The following FRAS1 variants were observed in gnomAD, a reference collection of about 807,000 sequenced individuals.
FRAS1 encodes extracellular matrix organizing protein FRAS1.
In FRAS1, 290 loss-of-function variants were observed where a neutral mutation model predicts 435.2. The observed-to-expected ratio is 0.67, with a 90% CI of 0.61 to 0.73. FRAS1 has a LOEUF of 0.73. Ranked by LOEUF, FRAS1 falls within the 30% of genes least tolerant of loss-of-function variation. The probability of loss-of-function intolerance (pLI) is 0.00; values close to 1 mark genes in which losing one functional copy is unlikely to be tolerated. For synonymous variants in FRAS1, 1,800 were observed against 1,851.0 expected, an observed-to-expected ratio of 0.97 and a Z score of 0.71; for missense variants, 4,860 against 5,001.5, an observed-to-expected ratio of 0.97 and a Z score of 0.85.
intron 2 of FRAS1, among the ~76,000 whole-genome samples, chr4:78,076,599 T>G (rs1740653468): frequency 6.6e-6 from 1 of 152,200 alleles, no homozygotes; most frequent in Non-Finnish European, 1.5e-5. Flanking sequence ...TAGGATTTTA[T>G]CAGCTGTATC....
chr4:78,282,446 C>T (rs1727373373), intron 11 of FRAS1, among the ~76,000 whole-genome samples: 1 of 152,182 alleles, frequency 6.6e-6, no homozygotes, highest in South Asian at 2.1e-4. Context: ...GTATTTAACT[C>T]ACCTGCTAAT....
At chr4:78,085,381 G>A (rs1268845287) in intron 2 of FRAS1, among the ~76,000 whole-genome samples, 1 of 151,946 alleles carries the variant, frequency 6.6e-6, no homozygotes, top group Non-Finnish European at 1.5e-5. Context: ...AGTGAAACAT[G>A]GTCTTTTTGT....
chr4:78,525,422 G>A (rs1005364714), intron 69 of FRAS1, among the ~76,000 whole-genome samples: 11 of 152,216 alleles, frequency 7.2e-5, no homozygotes, highest in Admixed American at 6.5e-4. Context: ...AAGTCCTCAT[G>A]CTTTGTTAAA....
At chr4:78,133,935 G>A (rs1457924585) in intron 2 of FRAS1, among the ~76,000 whole-genome samples, 1 of 151,792 alleles carries the variant, frequency 6.6e-6, no homozygotes, top group African/African-American at 2.4e-5. Flanking sequence ...GAAAGGTGAG[G>A]GAGCTGAGAT....
intron 1 of FRAS1, among the ~76,000 whole-genome samples, chr4:78,065,083 T>TATATATACAC (rs1383890164): frequency 8.5e-5 from 12 of 140,596 alleles, no homozygotes; most frequent in African/African-American, 2.9e-4. Flanking sequence ...TATATATATA[T>TATATATACAC]ACATACACAC....
chr4:78,420,926 A>G (rs1223701091), intron 33 of FRAS1, among the ~76,000 whole-genome samples: 1 of 137,920 alleles, frequency 7.3e-6, no homozygotes, highest in African/African-American at 2.8e-5. Context: ...ATATATTTAT[A>G]TAAAGGGGAG....
chr4:78,228,434 G>A (rs755274737), intron 2 of FRAS1, among the ~76,000 whole-genome samples: 1 of 152,182 alleles, frequency 6.6e-6, no homozygotes, highest in Non-Finnish European at 1.5e-5. Context: ...GTTAGAACAA[G>A]TGGAAAACTG....
intron 2 of FRAS1, among the ~76,000 whole-genome samples, chr4:78,172,521 T>A (rs1328951627): frequency 2.6e-5 from 4 of 152,144 alleles, no homozygotes; most frequent in African/African-American, 9.6e-5. Flanking sequence ...GGAAATTTGT[T>A]TTTAGTTAGT....
chr4:78,078,547 T>C (rs1740757305), intron 2 of FRAS1, among the ~76,000 whole-genome samples: 1 of 152,096 alleles, frequency 6.6e-6, no homozygotes, highest in Non-Finnish European at 1.5e-5. Context: ...TAAAAATATC[T>C]AATAGTGTAA....
chr4:78,417,862 A>C (rs937627908), intron 32 of FRAS1, among the ~76,000 whole-genome samples: 2 of 152,178 alleles, frequency 1.3e-5, no homozygotes, highest in African/African-American at 4.8e-5. Context: ...ACTCTAACCC[A>C]CCTTCAGGGG....
intron 25 of FRAS1, 83 bp downstream of exon 25, chr4:78,374,334 A>T (rs1731670908): frequency 7.4e-7 from 1 of 1,348,194 alleles, no homozygotes; most frequent in African/African-American, 1.4e-5. Flanking sequence ...GTATCCAAGA[A>T]TACTTAAATT....
At chr4:78,497,586 G>T (rs1720544372) in intron 60 of FRAS1, among the ~76,000 whole-genome samples, 1 of 152,136 alleles carries the variant, frequency 6.6e-6, no homozygotes, top group Admixed American at 6.5e-5. Flanking sequence ...ACTATGCTAA[G>T]CATATTATAT....
chr4:78,444,857 C>T (rs1280055300), intron 41 of FRAS1, among the ~76,000 whole-genome samples: 1 of 152,134 alleles, frequency 6.6e-6, no homozygotes, highest in African/African-American at 2.4e-5. Flanking sequence ...TGAATCCCAC[C>T]TGAGCATCAT....
At chr4:78,292,800 G>A (rs1727958946) in intron 14 of FRAS1, among the ~76,000 whole-genome samples, 1 of 152,190 alleles carries the variant, frequency 6.6e-6, no homozygotes, top group African/African-American at 2.4e-5. Flanking sequence ...GTTAGTCTCA[G>A]TTTCATTGCC....
chr4:78,159,857 G>A (rs1372545060), intron 2 of FRAS1, among the ~76,000 whole-genome samples: 1 of 152,084 alleles, frequency 6.6e-6, no homozygotes, highest in African/African-American at 2.4e-5. Context: ...CTCCAGCATG[G>A]GTGACAGAGT....
intron 40 of FRAS1, among the ~76,000 whole-genome samples, chr4:78,440,047 G>A (rs1221420827): frequency 1.1e-4 from 14 of 123,806 alleles, no homozygotes; most frequent in South Asian, 2.5e-4. Flanking sequence ...TTTTTGAGAC[G>A]GAGTCTCGCT....
intron 68 of FRAS1, 58 bp from the exon 69 acceptor site, chr4:78,522,591 A>G: frequency 7.1e-7 from 1 of 1,407,730 alleles, no homozygotes; most frequent in Non-Finnish European, 9.7e-7. Flanking sequence ...TACCAGGTAC[A>G]GTCAAACTAA....
chr4:78,185,687 A>C lies in FRAS1; in HGVS notation c.109-51823A>C, dbSNP rs1251021535. ...GCAGTATTTTGGTTAGCATGTAAAA[A>C]TATCTATACTTGATGCAGATCAGAA... On this transcript the variant is annotated intron_variant, in intron 2 of 73. Coordinates refer to ENST00000512123, the MANE Select transcript of FRAS1 (RefSeq NM_025074.7). Among the ~76,000 whole-genome samples, 3 of 152,350 alleles carry C rather than the reference A, an allele frequency of 2.0e-5. No individual in the cohort carries two copies. The South Asian group carries it at 6.2e-4, about 32-fold the overall frequency.
At chr4:78,255,905 T>G (rs986348700) in intron 6 of FRAS1, among the ~76,000 whole-genome samples, 10 of 152,232 alleles carry the variant, frequency 6.6e-5, no homozygotes, top group Admixed American at 5.9e-4. Flanking sequence ...CATTAGACTC[T>G]TCACACAAAT....
Sources: allele counts gnomAD v4.1 joint callset (sites outside exome capture counted in the v4.1 genomes callset), GRCh38; gene constraint gnomAD v4.1.1; transcripts MANE v1.5; gene names NCBI Gene and HGNC (gene_info 2026-07-23, HGNC 2026-07-21).